The following JMJD1C variants were observed in gnomAD, a reference collection of about 807,000 sequenced individuals.
JMJD1C encodes jumonji domain containing 1C, also known as jumonji domain-containing protein 1C.
A neutral mutation model predicts 245.3 loss-of-function variants in JMJD1C; 31 were observed. The ratio of observed to expected loss-of-function variants is 0.13; its 90% CI spans 0.09 to 0.17. JMJD1C has a LOEUF of 0.17. Ranked by LOEUF, JMJD1C falls within the 10% of genes least tolerant of loss-of-function variation. The pLI is 1.00. For missense variants in JMJD1C, 2,691 were observed against 3,000.2 expected, an observed-to-expected ratio of 0.90 and a Z score of 2.41; for synonymous variants, 1,057 against 1,017.4, an observed-to-expected ratio of 1.04 and a Z score of -0.74.
At chr10:63,326,873 C>CT (rs1331331569) in intron 2 of JMJD1C, among the ~76,000 whole-genome samples, 4 of 152,242 alleles carry the variant, frequency 2.6e-5, no homozygotes, top group African/African-American at 9.6e-5. Flanking sequence ...GAGTGAAACT[C>CT]TGTCTCAAAA....
intron 4 of JMJD1C, 119 bp from the exon 5 acceptor site, chr10:63,217,450 A>T: frequency 1.3e-6 from 1 of 756,508 alleles, no homozygotes; most frequent in Non-Finnish European, 2.0e-6. Flanking sequence ...ATCAGTTTTC[A>T]AAAAAATGTT....
chr10:63,358,637 C>T (rs1470549270), intron 2 of JMJD1C: 1 of 151,754 alleles, frequency 6.6e-6, no homozygotes, highest in Non-Finnish European at 1.5e-5. Context: ...CTAATAAAAT[C>T]ACAACAAAAA....
chr10:63,206,538 G>C, intron 10 of JMJD1C, 57 bp downstream of exon 10: 4 of 1,359,854 alleles, frequency 2.9e-6, no homozygotes, highest in Non-Finnish European at 4.0e-6. Flanking sequence ...CAGCACACTA[G>C]TATAGCTAAA....
At chr10:63,232,929 T>G (rs1850195763) in intron 3 of JMJD1C, among the ~76,000 whole-genome samples, 1 of 152,196 alleles carries the variant, frequency 6.6e-6, no homozygotes, top group Non-Finnish European at 1.5e-5. Context: ...TTTAAATTTT[T>G]CCTCTGTTCA....
chr10:63,383,785 CAG>C (rs1289090083), intron 1 of JMJD1C, among the ~76,000 whole-genome samples: 13 of 152,290 alleles, frequency 8.5e-5, no homozygotes, highest in Admixed American at 3.9e-4. Flanking sequence ...TCTGAGCTTT[CAG>C]AGAGTTGTAG....
intron 2 of JMJD1C, among the ~76,000 whole-genome samples, chr10:63,320,171 G>A (rs534070934): frequency 6.6e-6 from 1 of 152,284 alleles, no homozygotes; most frequent in African/African-American, 2.4e-5. Flanking sequence ...TTTCCAAAGT[G>A]CTGGGATTAC....
chr10:63,423,298 G>C (rs1950240756), intron 1 of JMJD1C, among the ~76,000 whole-genome samples: 1 of 151,912 alleles, frequency 6.6e-6, no homozygotes, highest in African/African-American at 2.4e-5. Context: ...TAGGAACTCT[G>C]CATCCATTAA....
At chr10:63,485,546 T>C (rs1485913163) in intron 1 of JMJD1C, among the ~76,000 whole-genome samples, 2 of 152,200 alleles carry the variant, frequency 1.3e-5, no homozygotes, top group Admixed American at 6.5e-5. Flanking sequence ...CATCGTATCC[T>C]AGAAATAAAA....
intron 2 of JMJD1C, among the ~76,000 whole-genome samples, chr10:63,270,098 A>T (rs1856097776): frequency 2.6e-5 from 4 of 152,222 alleles, no homozygotes; most frequent in Non-Finnish European, 1.5e-5. Context: ...TTTGATGTAA[A>T]GACAATTTAA....
At chr10:63,309,816 C>A (rs1387518298) in intron 2 of JMJD1C, among the ~76,000 whole-genome samples, 1 of 152,106 alleles carries the variant, frequency 6.6e-6, no homozygotes, top group Non-Finnish European at 1.5e-5. Context: ...ACTCAGGAGG[C>A]TGAGGCAGAA....
At chr10:63,306,353 G>A (rs1297358414) in intron 2 of JMJD1C, among the ~76,000 whole-genome samples, 2 of 152,156 alleles carry the variant, frequency 1.3e-5, no homozygotes, top group South Asian at 2.1e-4. Flanking sequence ...GCCTCCCAAA[G>A]TACTGGAATT....
At chr10:63,484,474 T>A (rs973868636) in intron 1 of JMJD1C, among the ~76,000 whole-genome samples, 1 of 152,094 alleles carries the variant, frequency 6.6e-6, no homozygotes, top group Non-Finnish European at 1.5e-5. Context: ...ATTTATACCC[T>A]CCCACTTCAG....
At chr10:63,506,015 T>C (rs777482179) in intron 1 of JMJD1C, among the ~76,000 whole-genome samples, 1 of 152,138 alleles carries the variant, frequency 6.6e-6, no homozygotes, top group Non-Finnish European at 1.5e-5. Context: ...TACAGCAGTA[T>C]CCTTCTATTT....
chr10:63,407,793 C>A (rs1949255928), intron 1 of JMJD1C, among the ~76,000 whole-genome samples: 4 of 138,324 alleles, frequency 2.9e-5, no homozygotes, highest in Non-Finnish European at 3.1e-5. Context: ...AGGATGCTAT[C>A]AAAATACAAC....
At chr10:63,226,314 T>C (rs1849272081) in intron 3 of JMJD1C, among the ~76,000 whole-genome samples, 1 of 152,206 alleles carries the variant, frequency 6.6e-6, no homozygotes, top group Non-Finnish European at 1.5e-5. Context: ...TGATGTACCT[T>C]AGTCATGATC....
chr10:63,203,279 AAT>A, intron 10 of JMJD1C: 13 of 977,416 alleles, frequency 1.3e-5, no homozygotes, highest in Non-Finnish European at 1.6e-5. Flanking sequence ...ATTTACTGGC[AAT>A]ATATAAAACC....
chr10:63,422,532 C>G (rs1950183525), intron 1 of JMJD1C, among the ~76,000 whole-genome samples: 1 of 152,326 alleles, frequency 6.6e-6, no homozygotes, highest in South Asian at 2.1e-4. Flanking sequence ...CTTATATTTT[C>G]TACTCAGCCC....
At chr10:63,417,084 T>C (rs1275410586) in intron 1 of JMJD1C, among the ~76,000 whole-genome samples, 1 of 152,196 alleles carries the variant, frequency 6.6e-6, no homozygotes, top group African/African-American at 2.4e-5. Flanking sequence ...AGGATCATAC[T>C]GATTTCTCTG....
intron 2 of JMJD1C, among the ~76,000 whole-genome samples, chr10:63,342,193 G>A (rs1489531100): frequency 2.6e-5 from 4 of 152,156 alleles, no homozygotes; most frequent in African/African-American, 4.8e-5. Flanking sequence ...TAGTGAAATA[G>A]CCAAAATGGT....
Sources: allele counts gnomAD v4.1 joint callset (sites outside exome capture counted in the v4.1 genomes callset), GRCh38; gene constraint gnomAD v4.1.1; transcripts MANE v1.5; gene names NCBI Gene and HGNC (gene_info 2026-07-23, HGNC 2026-07-21).